Variants in ARPC5L observed in about 807,000 individuals in gnomAD.
The protein encoded by ARPC5L is actin related protein 2/3 complex subunit 5 like.
ARPC5L carries 4 observed loss-of-function variants against 16.9 expected under a neutral mutation model. The observed-to-expected ratio is 0.24, with a 90% CI of 0.12 to 0.54. The LOEUF (loss-of-function observed/expected upper bound fraction) is 0.54, where lower values mean the gene tolerates loss of function less well. ARPC5L is among the 20% of genes least tolerant of loss of function. ARPC5L has a pLI of 0.95. For synonymous variants in ARPC5L, 78 were observed against 82.6 expected (o/e 0.94, Z 0.30); for missense variants, 151 against 201.9 (o/e 0.75, Z 1.53).
intron 2 of ARPC5L, among the ~76,000 whole-genome samples, chr9:124,865,691 G>A (rs1031184877): frequency 6.6e-6 from 1 of 151,928 alleles, no homozygotes; most frequent in Non-Finnish European, 1.5e-5. Context: ...TATTCGGGAG[G>A]CTGAGGCAGG....
chr9:124,869,240 C>G lies in ARPC5L; in HGVS notation c.-51C>G, dbSNP rs1829317742. On this transcript the variant is annotated 5_prime_UTR_variant, in exon 3 of 6. Coordinates refer to ENST00000353214, the MANE Select transcript of ARPC5L (RefSeq NM_030978.3). ...AGGAGCCGGTGCGAGCGGAGCAGAG[C>G]CGAGGTCGGGCCGCGAGCGGAGCCG... 1.4e-6 allele frequency: 2 copies of G among 1,475,580 alleles called. No individual in the cohort carries two copies. The highest frequency in any genetic ancestry group is 1.5e-5 in the African/African-American group (1 of 67,600). The allele number at this position is 1,475,580 out of a possible 1,614,324, so 91.4% of individuals were successfully genotyped here.
chr9:124,869,099 CT>C lies in ARPC5L; in HGVS notation c.-191del. On this transcript the variant is annotated 5_prime_UTR_variant, in exon 3 of 6. Coordinates refer to ENST00000353214, the MANE Select transcript of ARPC5L (RefSeq NM_030978.3). ...CCAGGTGCCAGGCTCCGCCCCGCCC[CT>C]GACGGCGCTTCCGGATCCGGCGGGT... 1.7e-6 allele frequency: 1 copy of C among 574,624 alleles called. No individual in the cohort carries two copies. The highest frequency in any genetic ancestry group is 2.6e-6 in the Non-Finnish European group (1 of 382,066). The allele number at this position is 574,624 out of a possible 1,614,324, so 35.6% of individuals were successfully genotyped here.
At chr9:124,873,846 C>T in intron 4 of ARPC5L, 82 bp downstream of exon 4, 1 of 1,539,372 alleles carries the variant, frequency 6.5e-7, no homozygotes, top group Non-Finnish European at 9.0e-7. Flanking sequence ...TGTGAGCTTT[C>T]ATCCACATCA....
In ARPC5L at chr9:124,869,206, C is replaced by A. The variant is rs568731050; in HGVS notation, c.-85C>A. 5 of 1,338,186 alleles carry A rather than the reference C, an allele frequency of 3.7e-6. No individual in the cohort carries two copies. Among genetic ancestry groups the A allele is most frequent in the African/African-American group, 1.5e-5 (1 of 64,622 alleles). 82.9% of individuals were successfully genotyped at this position (1,338,186 alleles called of 1,614,324 possible). On this transcript the variant is annotated 5_prime_UTR_variant, in exon 3 of 6. Coordinates refer to ENST00000353214, the MANE Select transcript of ARPC5L (RefSeq NM_030978.3). ...GGAGCAGCCGGGCAGCCGCTTCCCG[C>A]CCCCGAGCAGGAGCCGGTGCGAGCG... is the stretch of plus-strand genomic sequence containing the variant.
At chr9:124,875,861 G>A (rs964336412) in intron 5 of ARPC5L, among the ~76,000 whole-genome samples, 1 of 152,240 alleles carries the variant, frequency 6.6e-6, no homozygotes, top group Non-Finnish European at 1.5e-5. Context: ...TGAGTTGGAA[G>A]AGAGGGGTTT....
chr9:124,876,738 T>C (rs1829444091), intron 5 of ARPC5L, 140 bp from the exon 6 acceptor site: 2 of 679,810 alleles, frequency 2.9e-6, no homozygotes, highest in Non-Finnish European at 4.9e-6. Context: ...TTCCCTAGAA[T>C]GTGCTCTATC....
At position 124,873,726 on chromosome 9, in the gene ARPC5L, C is replaced by T. The variant is rs889734780; in HGVS notation, c.184C>T (p.Arg62Trp). 9.9e-6 allele frequency: 16 copies of T among 1,614,140 alleles called. No homozygotes were observed. The highest frequency in any genetic ancestry group is 1.7e-5 in the Admixed American group (1 of 60,016). Residue 62 changes from arginine to tryptophan, a missense_variant, in exon 4 of 6, where the codon CGG (arginine) becomes TGG (tryptophan). By Grantham distance (101) the Arg-to-Trp change is moderately radical (BLOSUM62 -3). Coordinates refer to ENST00000353214, the MANE Select transcript of ARPC5L (RefSeq NM_030978.3). ...GCTTCGGGCATTCCATGCAGCCTTGCGGAACTCTCCCGTCAACACCAAGAA... is the reference window on the plus strand; with the variant it reads ...GCTTCGGGCATTCCATGCAGCCTTGTGGAACTCTCCCGTCAACACCAAGAA... The part of the protein sequence containing the change: ...DMLRAFHAAL[R>W]NSPVNTKNQA...
chr9:124,877,044 C>A lies in ARPC5L; in HGVS notation c.*104C>A. The A allele has an allele frequency of 2.3e-6, 2 of 852,346 alleles. No homozygotes were observed. The highest frequency in any genetic ancestry group is 1.7e-5 in the South Asian group (1 of 60,290). 52.8% of individuals were successfully genotyped at this position (852,346 alleles called of 1,614,324 possible). A position where few individuals can be genotyped will look rare whatever the true frequency, so the allele number is the denominator to read the frequency against. On this transcript the variant is annotated 3_prime_UTR_variant, in exon 6 of 6. Transcript: ENST00000353214. ...ATCTTCCTAGGAACTCCCAAGTAAACTATTTCAGGACATGTATCTGCTGAA... is the reference window on the plus strand; with the variant it reads ...ATCTTCCTAGGAACTCCCAAGTAAAATATTTCAGGACATGTATCTGCTGAA...
At chr9:124,873,168 C>T (rs1419377560) in intron 3 of ARPC5L, 1 of 152,944 alleles carries the variant, frequency 6.5e-6, no homozygotes, top group African/African-American at 2.4e-5. Context: ...TTGATAAACT[C>T]TTTCCAGGTA....
Position 124,862,249 on chromosome 9 carries a change from A to G in ARPC5L, c.-1133A>G, listed in dbSNP as rs930031192. 6.0e-6 allele frequency: 2 copies of G among 334,958 alleles called. No individual in the cohort carries two copies. Among genetic ancestry groups the G allele is most frequent in the African/African-American group, 4.3e-5 (2 of 46,786 alleles). The allele number at this position is 334,958 out of a possible 1,614,324, so 20.7% of individuals were successfully genotyped here. A position where few individuals can be genotyped will look rare whatever the true frequency, so the allele number is the denominator to read the frequency against. ...GCACACGGAGGACTCAAATTCGTCC[A>G]TTCAGTCATTCGTTCATTCATTCCT... On this transcript the variant is annotated 5_prime_UTR_variant, in exon 1 of 6. Coordinates refer to ENST00000353214, the MANE Select transcript of ARPC5L (RefSeq NM_030978.3).
rs1829213086 is a variant in ARPC5L, at chr9:124,862,257, ATTCG to A, written c.-1121_-1118del. 9.6e-6 allele frequency: 3 copies of A among 311,160 alleles called. No individual in the cohort carries two copies. The highest frequency in any genetic ancestry group is 4.3e-5 in the African/African-American group (2 of 46,270). The allele number at this position is 311,160 out of a possible 1,614,324, so 19.3% of individuals were successfully genotyped here. On this transcript the variant is annotated 5_prime_UTR_variant, in exon 1 of 6. The change creates a premature stop within an existing upstream ORF in the 5' untranslated region. Transcript: ENST00000353214. ...AGGACTCAAATTCGTCCATTCAGTC[ATTCG>A]TTCATTCATTCCTTCGGGAAACCTT...
chr9:124,865,481 T>G (rs1443626687), intron 2 of ARPC5L, among the ~76,000 whole-genome samples: 1 of 152,112 alleles, frequency 6.6e-6, no homozygotes, highest in African/African-American at 2.4e-5. Flanking sequence ...TTCCAGGTAC[T>G]CTACCTTCAA....
intron 2 of ARPC5L, among the ~76,000 whole-genome samples, chr9:124,865,051 C>CA (rs1450258540): frequency 6.6e-6 from 1 of 152,008 alleles, no homozygotes; most frequent in Non-Finnish European, 1.5e-5. Context: ...AGGCTGGTCT[C>CA]AAACTCCTGA....
At chr9:124,869,686 C>G (rs1829327517) in intron 3 of ARPC5L, among the ~76,000 whole-genome samples, 1 of 151,940 alleles carries the variant, frequency 6.6e-6, no homozygotes, top group Non-Finnish European at 1.5e-5. Context: ...CCCCTGGACC[C>G]GGTGGACGGG....
In ARPC5L at chr9:124,877,387, C is replaced by T. The variant is rs1446043250; in HGVS notation, c.*447C>T. 6.2e-6 allele frequency: 1 copy of T among 161,958 alleles called. No individual in the cohort carries two copies. Among genetic ancestry groups the T allele is most frequent in the Non-Finnish European group, 1.3e-5 (1 of 74,818 alleles). The allele number at this position is 161,958 out of a possible 1,614,324, so 10.0% of individuals were successfully genotyped here. On this transcript the variant is annotated 3_prime_UTR_variant, in exon 6 of 6. Coordinates refer to ENST00000353214, the MANE Select transcript of ARPC5L (RefSeq NM_030978.3). ...GCTCATTGTAAAGTGCCTGCTGCAT[C>T]AATAAAGCTCTTGGCTTATTAGTCT...
rs1452409289 is a variant in ARPC5L, at chr9:124,875,013, CTTCAAG to C, written c.262_267del (p.Phe88_Lys89del). On this transcript the variant is annotated inframe_deletion, in exon 5 of 6. Transcript: ENST00000353214. ...GCGTGGTGCTGAAAGTGCTCACAAA[CTTCAAG>C]AGCAGTGAGATTGAGCAGGCTGTGC... 2 of 1,614,016 alleles carry C rather than the reference CTTCAAG, an allele frequency of 1.2e-6. No homozygotes were observed. Among genetic ancestry groups the C allele is most frequent in the Non-Finnish European group, 1.7e-6 (2 of 1,179,902 alleles).
rs539009082 is a variant in ARPC5L, at chr9:124,864,062, C to T, written c.-909C>T. On this transcript the variant is annotated 5_prime_UTR_variant, in exon 2 of 6. Transcript: ENST00000353214. The stretch of plus-strand genomic sequence containing the variant: ...ATTGTTCTAGTCTCCAGGCCCAGTA[C>T]ATGGATGCTTGTTGGATGAATTAAT... The T allele has an allele frequency of 1.3e-5, 2 of 152,294 alleles. No individual in the cohort carries two copies. The highest frequency in any genetic ancestry group is 3.9e-4 in the East Asian group (2 of 5,184). The allele number at this position is 152,294 out of a possible 1,614,324, so 9.4% of individuals were successfully genotyped here.
chr9:124,865,434 ACTCT>A (rs747633885), intron 2 of ARPC5L, among the ~76,000 whole-genome samples: 63 of 151,136 alleles, frequency 4.2e-4, no homozygotes, highest in Non-Finnish European at 8.0e-4. Context: ...GTCATTTGTG[ACTCT>A]CTCTTACACG....
chr9:124,863,078 C>T (rs1588038979), intron 1 of ARPC5L, among the ~76,000 whole-genome samples: 1 of 152,100 alleles, frequency 6.6e-6, no homozygotes, highest in Admixed American at 6.6e-5. Context: ...ATCCGCCCTC[C>T]TCGGCCTCCC....
Sources: gnomAD v4.1 joint callset for allele counts (sites outside exome capture counted in the v4.1 genomes callset) on GRCh38, gnomAD v4.1.1 for gene constraint, MANE v1.5 for transcripts, NCBI Gene and HGNC (gene_info 2026-07-23, HGNC 2026-07-21) for gene names.